SYNE1: variants seen among roughly 807,000 people sequenced by gnomAD.
The protein encoded by SYNE1 is nesprin-1.
A neutral mutation model predicts 1,111.0 loss-of-function variants in SYNE1; 616 were observed. The ratio of observed to expected loss-of-function variants is 0.55; its 90% CI spans 0.52 to 0.59. The LOEUF (loss-of-function observed/expected upper bound fraction) is 0.59, where lower values mean the gene tolerates loss of function less well. SYNE1 is among the 20% of genes least tolerant of loss of function. SYNE1 has a pLI of 0.00. For missense variants in SYNE1, 10,006 were observed against 10,417.0 expected (o/e 0.96, Z 1.72); for synonymous variants, 3,855 against 3,825.8 (o/e 1.01, Z -0.28).
At chr6:152,298,173 A>G (rs2094980970) in intron 93 of SYNE1, among the ~76,000 whole-genome samples, 1 of 152,234 alleles carries the variant, frequency 6.6e-6, no homozygotes, top group African/African-American at 2.4e-5. Flanking sequence ...CATTTTCACA[A>G]TGCTGTGAAT....
At chr6:152,157,442 G>C (rs921483587) in intron 131 of SYNE1, among the ~76,000 whole-genome samples, 4 of 152,158 alleles carry the variant, frequency 2.6e-5, no homozygotes, top group African/African-American at 9.7e-5. Context: ...TGGGGGCAAT[G>C]AAGTGAGGTG....
chr6:152,228,630 A>G (rs1430785212), intron 115 of SYNE1, among the ~76,000 whole-genome samples: 1 of 152,228 alleles, frequency 6.6e-6, no homozygotes, highest in Admixed American at 6.5e-5. Context: ...TTTCAACAGT[A>G]AAGTTTATCA....
chr6:152,188,001 C>T (rs140231845), intron 128 of SYNE1, among the ~76,000 whole-genome samples: 78 of 152,358 alleles, frequency 5.1e-4, no homozygotes, highest in African/African-American at 1.7e-3. Context: ...GCTGGGACTA[C>T]AGTCATAAGC....
chr6:152,145,226 A>G, intron 137 of SYNE1: 1 of 502,368 alleles, frequency 2.0e-6, no homozygotes, highest in Non-Finnish European at 3.6e-6. Flanking sequence ...TTCTGCAGTT[A>G]ATGGACATGA....
chr6:152,385,787 C>G lies in SYNE1; in HGVS notation c.8539G>C (p.Asp2847His). The change falls in exon 55 of 146, where the codon GAT becomes CAT. Residue 2847 changes from aspartate (D) to histidine (H), a missense_variant. This residue lies in a region of SYNE1 where 4,955 missense variants were observed against 5,017.2 expected (regional missense o/e 0.99). Transcript: ENST00000367255. ...EIVKDHLMYL[D>H]AVHEFTDWLH... ...CAATCTGTGAACTCGTGGACCGCAT[C>G]TAAATACATTAGATGATCTTTCACA... 3 of 1,614,074 alleles carry G rather than the reference C, an allele frequency of 1.9e-6. No individual in the cohort carries two copies. Among genetic ancestry groups the G allele is most frequent in the Non-Finnish European group, 2.5e-6 (3 of 1,179,986 alleles).
intron 39 of SYNE1, among the ~76,000 whole-genome samples, chr6:152,420,001 T>C (rs533548401): frequency 6.6e-6 from 1 of 152,336 alleles, no homozygotes; most frequent in Admixed American, 6.5e-5. Context: ...CCTCTCAGCA[T>C]AACATATGTT....
At chr6:152,161,449 GT>G (rs2062485998) in intron 131 of SYNE1, among the ~76,000 whole-genome samples, 1 of 149,968 alleles carries the variant, frequency 6.7e-6, no homozygotes. Flanking sequence ...TTATCTTTTT[GT>G]TTTACTCTGT....
chr6:152,359,646 G>GTGTGTA (rs1280523493), intron 64 of SYNE1, among the ~76,000 whole-genome samples, 188 bp from the exon 65 acceptor site: 1 of 151,582 alleles, frequency 6.6e-6, no homozygotes, highest in Non-Finnish European at 1.5e-5. Context: ...GTGTGTGTGT[G>GTGTGTA]TGTGTGTATT....
chr6:152,416,609 T>G lies in SYNE1; in HGVS notation c.5828A>C (p.Glu1943Ala), dbSNP rs963256304. The change falls in exon 41 of 146, where the codon GAG becomes GCG. Residue 1943 changes from glutamate to alanine, a missense_variant. This residue lies in a region of SYNE1 where 4,955 missense variants were observed against 5,017.2 expected (regional missense o/e 0.99). Coordinates refer to ENST00000367255, the MANE Select transcript of SYNE1 (RefSeq NM_182961.4). Reference protein sequence around the residue: ...AQYHLKIGSSEQRTSCRATAD... With the variant: ...AQYHLKIGSSAQRTSCRATAD... ...CGTGGCTCTGCAGGAAGTCCTTTGC[T>G]CAGAGCTCCCGATTTTCAGATGGTA... The G allele has an allele frequency of 1.2e-6, 2 of 1,614,096 alleles. No homozygotes were observed.
intron 74 of SYNE1, among the ~76,000 whole-genome samples, chr6:152,342,736 C>G (rs1418235050): frequency 6.6e-6 from 1 of 152,090 alleles, no homozygotes; most frequent in Non-Finnish European, 1.5e-5. Flanking sequence ...ACAAAAGCTG[C>G]TTAGTACAAA....
chr6:152,179,480 A>C (rs2067314103), intron 129 of SYNE1: 1 of 146,338 alleles, frequency 6.8e-6, no homozygotes, highest in African/African-American at 2.6e-5. Context: ...AAAACAAAAA[A>C]AAATACACAA....
At chr6:152,326,239 C>A in intron 79 of SYNE1, 57 bp downstream of exon 79, 1 of 1,612,282 alleles carries the variant, frequency 6.2e-7, no homozygotes, top group South Asian at 1.1e-5. Context: ...TGTATTACTA[C>A]TTTCAGTGTG....
chr6:152,302,638 T>C (rs1156917903), intron 91 of SYNE1, among the ~76,000 whole-genome samples: 1 of 152,226 alleles, frequency 6.6e-6, no homozygotes, highest in Non-Finnish European at 1.5e-5. Flanking sequence ...GAAATCCCAA[T>C]TTTTAATGCA....
At chr6:152,193,914 G>T (rs2073333310) in intron 127 of SYNE1, among the ~76,000 whole-genome samples, 2 of 151,564 alleles carry the variant, frequency 1.3e-5, no homozygotes, top group African/African-American at 4.8e-5. Flanking sequence ...TCAGGAGGCT[G>T]AGGCAGGAGA....
intron 4 of SYNE1, among the ~76,000 whole-genome samples, chr6:152,531,852 C>T (rs6934127): frequency 3.5e-4 from 53 of 152,288 alleles, no homozygotes; most frequent in African/African-American, 1.2e-3. Context: ...AAGGCTGAAT[C>T]GTATTCCATT....
chr6:152,590,901 G>GT (rs5880985), intron 3 of SYNE1, among the ~76,000 whole-genome samples: 3,322 of 152,216 alleles, frequency 0.022, 130 homozygotes, highest in African/African-American at 0.076. Context: ...TTTTAGAATA[G>GT]TTTTTTTCTA....
At chr6:152,525,117 CA>C (rs1217662005) in intron 5 of SYNE1, among the ~76,000 whole-genome samples, 1 of 151,904 alleles carries the variant, frequency 6.6e-6, no homozygotes, top group Non-Finnish European at 1.5e-5. Context: ...CCTGGGAATC[CA>C]ATTACTTAAA....
intron 121 of SYNE1, among the ~76,000 whole-genome samples, chr6:152,216,082 A>T (rs947978035): frequency 6.6e-6 from 1 of 152,194 alleles, no homozygotes; most frequent in Non-Finnish European, 1.5e-5. Context: ...TGGTTACAGG[A>T]AAGAAAAAAT....
chr6:152,135,909 G>A (rs2056966728), intron 141 of SYNE1, among the ~76,000 whole-genome samples: 3 of 152,040 alleles, frequency 2.0e-5, no homozygotes, highest in Admixed American at 2.0e-4. Context: ...CCCTGGCTCA[G>A]CTCACCGACT....
Sources: gnomAD v4.1 joint callset for allele counts (sites outside exome capture counted in the v4.1 genomes callset) on GRCh38, gnomAD v4.1.1 for gene constraint, gnomAD v4.1.1 regional missense constraint, MANE v1.5 for transcripts, NCBI Gene and HGNC (gene_info 2026-07-23, HGNC 2026-07-21) for gene names.